CFHR4: variants seen among roughly 807,000 people sequenced by gnomAD.
CFHR4 encodes the protein complement factor H-related protein 4.
In CFHR4, 64 loss-of-function variants were observed where a neutral mutation model predicts 69.3. The observed-to-expected ratio is 0.92, with a 90% CI of 0.76 to 1.14. The LOEUF is 1.14. Among genes scored for constraint, CFHR4 ranks in the 50% most tolerant of loss-of-function variants. The probability of loss-of-function intolerance (pLI) is 0.00; values close to 1 mark genes in which losing one functional copy is unlikely to be tolerated. For synonymous variants in CFHR4, 244 were observed against 237.0 expected (o/e 1.03, Z -0.27); for missense variants, 636 against 684.9 (o/e 0.93, Z 0.80).
intron 1 of CFHR4, among the ~76,000 whole-genome samples, chr1:196,899,008 T>C (rs1400590861): frequency 2.6e-5 from 4 of 151,652 alleles, no homozygotes; most frequent in Admixed American, 2.0e-4. Context: ...ACCTGAGCCA[T>C]ATTTATTCTT....
chr1:196,907,128 A>G, intron 4 of CFHR4, 91 bp downstream of exon 4: 4 of 1,269,036 alleles, frequency 3.2e-6, no homozygotes, highest in African/African-American at 1.5e-5. Flanking sequence ...ATGAATACAT[A>G]TGTGTACATA....
intron 1 of CFHR4, among the ~76,000 whole-genome samples, chr1:196,888,820 T>C (rs1247723389): frequency 2.6e-5 from 4 of 151,362 alleles, no homozygotes; most frequent in African/African-American, 9.7e-5. Flanking sequence ...TGACAGTAAA[T>C]TTTAATTTGC....
chr1:196,913,153 A>T (rs1402266808), intron 7 of CFHR4, among the ~76,000 whole-genome samples: 4 of 151,628 alleles, frequency 2.6e-5, no homozygotes, highest in Non-Finnish European at 2.9e-5. Flanking sequence ...TTTACATAAA[A>T]GCAATCTTAT....
rs1197142918 is a variant in CFHR4, at chr1:196,888,156, G to A, written c.6G>A (p.Leu2=). 1.2e-6 allele frequency: 2 copies of A among 1,610,842 alleles called. No individual in the cohort carries two copies. Among genetic ancestry groups the A allele is most frequent in the African/African-American group, 2.7e-5 (2 of 74,216 alleles). The change falls in exon 1 of 10, where the codon TTG becomes TTA. Residue 2 remains leucine, a synonymous_variant. Transcript: ENST00000608469. M[L]LLINVILTLW... ...TACTACTGAGAATATCTAACATGTT[G>A]TTACTAATCAATGTCATTCTGACCT...
rs141252156 is a variant in CFHR4 at position 196,906,378 on chromosome 1, A to G, written c.440-483A>G. ...CTTCAATCTGATTTGACCAGCTTTG[A>G]TAAATGATCTAAGATTTGTAAAATA... is the stretch of plus-strand genomic sequence containing the variant. On this transcript the variant is annotated intron_variant, in intron 3 of 9. Transcript: ENST00000608469. Among the ~76,000 whole-genome samples the G allele has an allele frequency of 2.0e-4, 30 of 151,680 alleles. 4 individuals carry two copies. The highest frequency in any genetic ancestry group is 7.3e-4 in the African/African-American group (30 of 41,236).
intron 6 of CFHR4, among the ~76,000 whole-genome samples, chr1:196,910,961 GA>G (rs1658235000): frequency 1.3e-5 from 2 of 151,336 alleles, no homozygotes; most frequent in African/African-American, 4.9e-5. Flanking sequence ...AAATATGAAG[GA>G]ATATCTTTAC....
intron 6 of CFHR4, among the ~76,000 whole-genome samples, chr1:196,911,141 T>C (rs1014994945): frequency 1.3e-5 from 2 of 151,574 alleles, no homozygotes; most frequent in Admixed American, 6.6e-5. Context: ...GATCTACACC[T>C]TTAACTGGAA....
chr1:196,910,036 C>T (rs1232793967), intron 5 of CFHR4, among the ~76,000 whole-genome samples: 3 of 149,584 alleles, frequency 2.0e-5, no homozygotes, highest in Non-Finnish European at 3.0e-5. Flanking sequence ...CCCATAGTGC[C>T]GGCCACTCAG....
rs970459942 is a variant in CFHR4 at position 196,906,966 on chromosome 1, G to T, written c.545G>T (p.Ser182Ile). The T allele has an allele frequency of 1.1e-5, 18 of 1,612,566 alleles. No homozygotes were observed. The highest frequency in any genetic ancestry group is 1.5e-5 in the Non-Finnish European group (18 of 1,179,562). ...LDYECYDGYE[S>I]SYGNTTDSIV... is the part of the protein sequence containing the mutation. ...TATGAATGCTATGATGGATATGAAA[G>T]CAGTTATGGAAACACCACAGATTCC... The change falls in exon 4 of 10, where the codon AGC becomes ATC. Residue 182 changes from serine (S) to isoleucine (I), a missense_variant. Ser to Ile is a moderately radical substitution (Grantham distance 142). Coordinates refer to ENST00000608469, the MANE Select transcript of CFHR4 (RefSeq NM_001201550.3).
intron 7 of CFHR4, among the ~76,000 whole-genome samples, chr1:196,913,453 C>G (rs1658393078): frequency 6.6e-6 from 1 of 151,224 alleles, no homozygotes; most frequent in Non-Finnish European, 1.5e-5. Context: ...ACAGAGAAAA[C>G]AAGTAAAGGA....
At chr1:196,903,695 A>G (rs1012950523) in intron 2 of CFHR4, among the ~76,000 whole-genome samples, 3 of 150,582 alleles carry the variant, frequency 2.0e-5, no homozygotes, top group Non-Finnish European at 4.4e-5. Flanking sequence ...GTATATATAT[A>G]CACACACACA....
intron 6 of CFHR4, among the ~76,000 whole-genome samples, chr1:196,911,077 T>C (rs1658243713): frequency 6.6e-6 from 1 of 151,450 alleles, no homozygotes; most frequent in Non-Finnish European, 1.5e-5. Context: ...CCCAGATGCA[T>C]TCGTGTCAGT....
At position 196,918,398 on chromosome 1, in the gene CFHR4, T is replaced by A; in HGVS notation, c.1729T>A (p.Cys577Ser). The A allele has an allele frequency of 6.2e-7, 1 of 1,611,312 alleles. No homozygotes were observed. The change falls in exon 10 of 10, where the codon TGC becomes AGC. Residue 577 changes from cysteine (C) to serine (S), a missense_variant. Cys to Ser is a moderately radical substitution (Grantham distance 112). Coordinates refer to ENST00000608469, the MANE Select transcript of CFHR4 (RefSeq NM_001201550.3). Reference sequence around the variant, plus strand: ...GGAAGGCATAGTGGAATACCCCAGATGCGAATAAGGCAGCATTGTTACCCT... The same window carrying A: ...GGAAGGCATAGTGGAATACCCCAGAAGCGAATAAGGCAGCATTGTTACCCT... ...CREGIVEYPR[C>S]E
At chr1:196,916,358 TC>T (rs1199443053) in intron 9 of CFHR4, among the ~76,000 whole-genome samples, 4 of 151,926 alleles carry the variant, frequency 2.6e-5, no homozygotes, top group African/African-American at 9.7e-5. Flanking sequence ...AACTATAAGT[TC>T]ATGAGTTTTT....
chr1:196,896,900 T>C (rs964108571), intron 1 of CFHR4, among the ~76,000 whole-genome samples: 2 of 151,350 alleles, frequency 1.3e-5, no homozygotes, highest in Admixed American at 1.3e-4. Context: ...TAATCTTTTT[T>C]ATTATTATTA....
intron 1 of CFHR4, among the ~76,000 whole-genome samples, chr1:196,892,151 G>T (rs371008069): frequency 6.6e-6 from 1 of 151,492 alleles, no homozygotes; most frequent in Non-Finnish European, 1.5e-5. Flanking sequence ...CAGAATTGCC[G>T]AAGAGACCAT....
At position 196,910,045 on chromosome 1, in the gene CFHR4, A is replaced by G. The variant is rs552747636; in HGVS notation, c.800-236A>G. Among the ~76,000 whole-genome samples, 414 of 150,024 alleles carry G rather than the reference A, an allele frequency of 2.8e-3. 12 individuals carry two copies. Among genetic ancestry groups the G allele is most frequent in the African/African-American group, 9.8e-3 (397 of 40,474 alleles). On this transcript the variant is annotated intron_variant, in intron 5 of 9. Coordinates refer to ENST00000608469, the MANE Select transcript of CFHR4 (RefSeq NM_001201550.3). ...TGTGTGCCCATAGTGCCGGCCACTC[A>G]GGAGACTGAGGCAGGAGAATCACTT...
intron 7 of CFHR4, among the ~76,000 whole-genome samples, chr1:196,913,301 A>G (rs1658384316): frequency 6.6e-6 from 1 of 151,556 alleles, no homozygotes; most frequent in Non-Finnish European, 1.5e-5. Flanking sequence ...TCACACTCAG[A>G]AAAGTTGTAC....
chr1:196,916,972 A>C (rs1658673643), intron 9 of CFHR4, among the ~76,000 whole-genome samples: 1 of 151,618 alleles, frequency 6.6e-6, no homozygotes, highest in South Asian at 2.1e-4. Flanking sequence ...CCCAGGCAGC[A>C]GGAAACTTTA....
Sources: allele counts gnomAD v4.1 joint callset (sites outside exome capture counted in the v4.1 genomes callset), GRCh38; gene constraint gnomAD v4.1.1; transcripts MANE v1.5; gene names NCBI Gene and HGNC (gene_info 2026-07-23, HGNC 2026-07-21).